ABAT: variants seen among roughly 807,000 people sequenced by gnomAD.
The protein encoded by ABAT is 4-aminobutyrate aminotransferase.
Under a neutral mutation model 64.6 loss-of-function variants are expected in ABAT, and 45 were observed. The ratio of observed to expected loss-of-function variants is 0.70; its 90% CI spans 0.55 to 0.89. ABAT has a LOEUF of 0.89. Among genes scored for constraint, ABAT ranks in the 40% least tolerant of loss-of-function variants. The pLI is 0.00. For missense variants in ABAT, 633 were observed against 658.4 expected (o/e 0.96, Z 0.42); for synonymous variants, 297 against 250.5 (o/e 1.19, Z -1.75).
At chr16:8,724,980 C>A (rs1269206164) in intron 1 of ABAT, among the ~76,000 whole-genome samples, 1 of 151,040 alleles carries the variant, frequency 6.6e-6, no homozygotes, top group Non-Finnish European at 1.5e-5. Flanking sequence ...GCAGTGGCGC[C>A]ATCTCGGCTC....
In ABAT at chr16:8,776,532, C is replaced by T. The variant is rs769331030; in HGVS notation, c.1269+42C>T. 7 of 1,541,988 alleles carry T rather than the reference C, an allele frequency of 4.5e-6. No homozygotes were observed. Among genetic ancestry groups the T allele is most frequent in the African/African-American group, 1.4e-5 (1 of 73,086 alleles). On this transcript the variant is annotated intron_variant, in intron 14 of 15. Coordinates refer to ENST00000268251, the MANE Select transcript of ABAT (RefSeq NM_020686.6). This position sits in a 1 kb window ranked among gnomAD's most constrained non-coding sequence, Gnocchi z 4.4. Reference sequence around the variant, plus strand: ...TGCCCCGCCCCCACCACCCATGGCTCCCCGCAGCAGCCTCCGGGGCAACAC... The same window carrying T: ...TGCCCCGCCCCCACCACCCATGGCTTCCCGCAGCAGCCTCCGGGGCAACAC...
Position 8,783,966 on chromosome 16 carries a change from A to G in ABAT, c.*2536A>G, listed in dbSNP as rs2060493117. On this transcript the variant is annotated 3_prime_UTR_variant, in exon 16 of 16. Coordinates refer to ENST00000268251, the MANE Select transcript of ABAT (RefSeq NM_020686.6). ...TGACTCAGGGCATAATGAGTTCCTG[A>G]GACATGCTCTTTTGGGGGCTGGGGC... 6.6e-6 allele frequency: 1 copy of G among 152,214 alleles called. No individual in the cohort carries two copies. The highest frequency in any genetic ancestry group is 1.5e-5 in the Non-Finnish European group (1 of 68,048). 9.4% of individuals were successfully genotyped at this position (152,214 alleles called of 1,614,324 possible). A position where few individuals can be genotyped will look rare whatever the true frequency, so the allele number is the denominator to read the frequency against.
chr16:8,752,561 C>G (rs1392949166), intron 5 of ABAT, among the ~76,000 whole-genome samples: 1 of 152,124 alleles, frequency 6.6e-6, no homozygotes, highest in Non-Finnish European at 1.5e-5. Flanking sequence ...GAGTTTAAGA[C>G]CAATCTGGGC....
chr16:8,722,811 A>G lies in ABAT; in HGVS notation c.-41-12888A>G, dbSNP rs1021238088. The G allele has an allele frequency of 3.9e-6, 5 of 1,289,044 alleles. No homozygotes were observed. The African/African-American group carries it at 4.6e-5, about 12-fold the overall frequency. 79.9% of individuals were successfully genotyped at this position (1,289,044 alleles called of 1,614,324 possible). ...AGCGGATTGCAAAGGGCCTGGTAGAATCAAAGAGGGATATACTAATGCAAC... is the reference window on the plus strand; with the variant it reads ...AGCGGATTGCAAAGGGCCTGGTAGAGTCAAAGAGGGATATACTAATGCAAC... On this transcript the variant is annotated intron_variant, in intron 1 of 15. Transcript: ENST00000268251.
intron 2 of ABAT, chr16:8,736,419 C>A (rs2058938279): frequency 1.3e-5 from 2 of 154,818 alleles, no homozygotes; most frequent in South Asian, 4.0e-4. Context: ...CCTGGAGCCA[C>A]TCTGCCTGCA....
At chr16:8,709,097 GCTAATTAGTTTTCATA>G (rs2058013832) in intron 1 of ABAT, among the ~76,000 whole-genome samples, 1 of 151,996 alleles carries the variant, frequency 6.6e-6, no homozygotes, top group Non-Finnish European at 1.5e-5. Flanking sequence ...TTAACATTTC[GCTAATTAGTTTTCATA>G]CTAATTAGTT....
At chr16:8,765,335 CAAA>C (rs143330523) in intron 8 of ABAT, among the ~76,000 whole-genome samples, 5 of 134,164 alleles carry the variant, frequency 3.7e-5, no homozygotes, top group Admixed American at 1.5e-4. Context: ...GACCCTGTCT[CAAA>C]AAAAAAAAAA....
intron 1 of ABAT, among the ~76,000 whole-genome samples, chr16:8,728,766 C>G (rs933285700): frequency 1.3e-5 from 2 of 152,024 alleles, no homozygotes; most frequent in Non-Finnish European, 2.9e-5. Context: ...CCCAGCTACT[C>G]GGGAGGCTGA....
intron 5 of ABAT, among the ~76,000 whole-genome samples, chr16:8,753,959 G>A (rs560521490): frequency 2.6e-4 from 40 of 152,162 alleles, no homozygotes; most frequent in East Asian, 3.9e-4. Context: ...GGAGGAGTGC[G>A]CGGCCCAGGC....
At chr16:8,699,367 G>C (rs1417789987) in intron 1 of ABAT, among the ~76,000 whole-genome samples, 1 of 151,754 alleles carries the variant, frequency 6.6e-6, no homozygotes, top group African/African-American at 2.4e-5. Context: ...AGGAGTTCAA[G>C]ACCAGCCTGG....
intron 6 of ABAT, among the ~76,000 whole-genome samples, chr16:8,759,369 A>ATT (rs1555491209): frequency 3.3e-4 from 50 of 149,836 alleles, no homozygotes; most frequent in Non-Finnish European, 5.5e-4. Context: ...AGAGTAAAAA[A>ATT]TTTTTTTTTT....
rs1160144275 is a variant in ABAT, at chr16:8,749,386, C to CTTTTTTTTTTT, written c.199-1016_199-1006dup. On this transcript the variant is annotated intron_variant, in intron 4 of 15. Transcript: ENST00000268251. ...ACAGGCGTGAGCCACCGCACCCGGC[C>CTTTTTTTTTTT]TTTTTTTTTTTTTTTTTTTTTTTTT... Among the ~76,000 whole-genome samples, 17 of 32,016 alleles carry CTTTTTTTTTTT rather than the reference C, an allele frequency of 5.3e-4. 4 individuals carry two copies. The highest frequency in any genetic ancestry group is 7.7e-4 in the Non-Finnish European group (14 of 18,080). The allele number at this position is 32,016 out of a possible 152,430, so 21.0% of individuals were successfully genotyped here. A position where few individuals can be genotyped will look rare whatever the true frequency, so the allele number is the denominator to read the frequency against.
intron 1 of ABAT, among the ~76,000 whole-genome samples, chr16:8,694,773 T>G (rs1023126944): frequency 6.6e-6 from 1 of 152,152 alleles, no homozygotes; most frequent in African/African-American, 2.4e-5. Context: ...GAGTCAGTCA[T>G]GATGGGTGCA....
chr16:8,740,659 T>C (rs2059138185), intron 2 of ABAT, among the ~76,000 whole-genome samples: 1 of 152,218 alleles, frequency 6.6e-6, no homozygotes, highest in South Asian at 2.1e-4. Context: ...AAAGTGACGA[T>C]AGTTAACGAT....
intron 1 of ABAT, among the ~76,000 whole-genome samples, chr16:8,684,325 C>T (rs1351265190): frequency 2.0e-5 from 3 of 152,144 alleles, no homozygotes; most frequent in Admixed American, 6.5e-5. Flanking sequence ...GCAATCCCAG[C>T]GCTTTGAGAG....
chr16:8,775,282 C>T (rs116124755), intron 13 of ABAT, among the ~76,000 whole-genome samples: 1 of 104,588 alleles, frequency 9.6e-6, no homozygotes, highest in African/African-American at 3.4e-5. Context: ...CCTGTTTTCT[C>T]TCTGTGTGCA....
At chr16:8,761,977 TTCCTTCTCCTTC>T (rs1030951875) in intron 6 of ABAT, among the ~76,000 whole-genome samples, 1 of 150,786 alleles carries the variant, frequency 6.6e-6, no homozygotes, top group African/African-American at 2.4e-5. Context: ...TTCCTTCTTC[TTCCTTCTCCTTC>T]TCCTTCTCCT....
chr16:8,705,025 C>T (rs937932488), intron 1 of ABAT, among the ~76,000 whole-genome samples: 7 of 152,060 alleles, frequency 4.6e-5, no homozygotes, highest in Non-Finnish European at 8.8e-5. Flanking sequence ...AGAACTATTC[C>T]TTCATGTAGT....
At chr16:8,728,788 C>T (rs2058632074) in intron 1 of ABAT, among the ~76,000 whole-genome samples, 1 of 152,068 alleles carries the variant, frequency 6.6e-6, no homozygotes, top group Non-Finnish European at 1.5e-5. Context: ...GCAGGAGAAT[C>T]GCTTGAACCA....
Sources: gnomAD v4.1 joint callset for allele counts (sites outside exome capture counted in the v4.1 genomes callset) on GRCh38, gnomAD v4.1.1 for gene constraint, Gnocchi (gnomAD v3.1) non-coding constraint, MANE v1.5 for transcripts, NCBI Gene and HGNC (gene_info 2026-07-23, HGNC 2026-07-21) for gene names.